The following PTPRK variants were observed in gnomAD, a reference collection of about 807,000 sequenced individuals.
The protein encoded by PTPRK is protein tyrosine phosphatase receptor type K.
PTPRK carries 75 observed loss-of-function variants against 178.0 expected under a neutral mutation model. That is an observed-to-expected ratio of 0.42 (90% CI 0.35 to 0.51). The LOEUF is 0.51. Ranked by LOEUF, PTPRK falls within the 20% of genes least tolerant of loss-of-function variation. The pLI is 0.02. For synonymous variants in PTPRK, 637 were observed against 620.6 expected, an observed-to-expected ratio of 1.03 and a Z score of -0.39; for missense variants, 1,441 against 1,797.8, an observed-to-expected ratio of 0.80 and a Z score of 3.59.
intron 7 of PTPRK, among the ~76,000 whole-genome samples, chr6:128,133,087 G>A (rs1209384492): frequency 1.3e-5 from 2 of 151,990 alleles, no homozygotes; most frequent in Non-Finnish European, 2.9e-5. Context: ...TTCTGCTCAG[G>A]GTATTTATAC....
intron 1 of PTPRK, among the ~76,000 whole-genome samples, chr6:128,478,205 A>G (rs372849087): frequency 2.0e-5 from 3 of 152,262 alleles, no homozygotes; most frequent in African/African-American, 7.2e-5. Flanking sequence ...CTTATGGCTC[A>G]TGGACTCCTT....
intron 7 of PTPRK, among the ~76,000 whole-genome samples, chr6:128,115,368 C>T (rs1204836921): frequency 6.6e-6 from 1 of 151,914 alleles, no homozygotes; most frequent in East Asian, 1.9e-4. Flanking sequence ...ATTGGAAGTG[C>T]TCACCCTTTC....
At chr6:128,157,199 A>G (rs1195905171) in intron 7 of PTPRK, among the ~76,000 whole-genome samples, 3 of 152,018 alleles carry the variant, frequency 2.0e-5, no homozygotes, top group African/African-American at 7.2e-5. Context: ...TAGAGAATTA[A>G]TAAGCTTTCA....
intron 3 of PTPRK, among the ~76,000 whole-genome samples, chr6:128,277,294 T>C (rs1278375402): frequency 6.6e-6 from 1 of 152,178 alleles, no homozygotes. Context: ...AAGTCAGTCA[T>C]AGTACATTGA....
chr6:128,468,349 C>T (rs1850165689), intron 1 of PTPRK, among the ~76,000 whole-genome samples: 2 of 152,106 alleles, frequency 1.3e-5, no homozygotes, highest in Admixed American at 1.3e-4. Context: ...AGTCTGGCAG[C>T]ATCACACAAA....
intron 2 of PTPRK, among the ~76,000 whole-genome samples, chr6:128,354,437 G>C (rs530428075): frequency 2.0e-5 from 3 of 151,400 alleles, no homozygotes; most frequent in South Asian, 4.2e-4. Flanking sequence ...GGGTTTCACC[G>C]TGTTAGCCAG....
At chr6:128,158,012 A>C (rs546050655) in intron 7 of PTPRK, among the ~76,000 whole-genome samples, 8 of 152,014 alleles carry the variant, frequency 5.3e-5, no homozygotes, top group Non-Finnish European at 1.0e-4. Flanking sequence ...GTCCTTGCCC[A>C]TGCCTATGTC....
intron 5 of PTPRK, among the ~76,000 whole-genome samples, chr6:128,237,573 G>A (rs909631146): frequency 1.3e-5 from 2 of 152,132 alleles, no homozygotes; most frequent in Non-Finnish European, 2.9e-5. Context: ...CAGCTGGAAG[G>A]GATTTTAGTG....
chr6:128,356,330 T>C (rs1833958068), intron 2 of PTPRK, among the ~76,000 whole-genome samples: 1 of 152,192 alleles, frequency 6.6e-6, no homozygotes, highest in African/African-American at 2.4e-5. Context: ...GAAGGTATAA[T>C]CAACGGACTT....
At chr6:128,347,328 A>G (rs2128335161) in intron 2 of PTPRK, among the ~76,000 whole-genome samples, 1 of 152,246 alleles carries the variant, frequency 6.6e-6, no homozygotes, top group East Asian at 1.9e-4. Flanking sequence ...GAATGATATT[A>G]TCATAGGACT....
At chr6:128,350,676 T>C (rs1452756616) in intron 2 of PTPRK, among the ~76,000 whole-genome samples, 1 of 152,226 alleles carries the variant, frequency 6.6e-6, no homozygotes, top group Non-Finnish European at 1.5e-5. Flanking sequence ...TACTCTAGAA[T>C]AACTTAAAGT....
chr6:128,078,338 C>T (rs893453535), intron 11 of PTPRK, among the ~76,000 whole-genome samples: 10 of 152,008 alleles, frequency 6.6e-5, no homozygotes, highest in Admixed American at 6.6e-4. Flanking sequence ...AAATAAAACT[C>T]TCCTGACAGA....
At chr6:128,059,961 G>A (rs1780535890) in intron 13 of PTPRK, among the ~76,000 whole-genome samples, 1 of 152,092 alleles carries the variant, frequency 6.6e-6, no homozygotes, top group East Asian at 1.9e-4. Flanking sequence ...CAGTGATCAT[G>A]CACCCTTGAA....
At chr6:128,090,099 GA>G in intron 7 of PTPRK, 107 bp from the exon 8 acceptor site, 1 of 890,026 alleles carries the variant, frequency 1.1e-6, no homozygotes, top group South Asian at 1.9e-5. Flanking sequence ...AGAAAATGTG[GA>G]AGTCATGTTT....
chr6:127,970,677 T>C (rs1773803822), intron 29 of PTPRK, among the ~76,000 whole-genome samples: 1 of 152,072 alleles, frequency 6.6e-6, no homozygotes. Context: ...ATTGTTAAAA[T>C]ATCACCTTAG....
intron 3 of PTPRK, among the ~76,000 whole-genome samples, chr6:128,309,311 T>G (rs1826898007): frequency 6.6e-6 from 1 of 152,022 alleles, no homozygotes; most frequent in Admixed American, 6.6e-5. Context: ...TGGTTCCTCT[T>G]GGAAGAGGAG....
At chr6:128,433,553 G>A (rs2128395333) in intron 1 of PTPRK, among the ~76,000 whole-genome samples, 1 of 151,974 alleles carries the variant, frequency 6.6e-6, no homozygotes, top group African/African-American at 2.4e-5. Flanking sequence ...CTGTCTCCAA[G>A]GCTATACTGC....
At chr6:128,504,348 G>A (rs1856002901) in intron 1 of PTPRK, among the ~76,000 whole-genome samples, 1 of 152,180 alleles carries the variant, frequency 6.6e-6, no homozygotes, top group Non-Finnish European at 1.5e-5. Context: ...ACTGGAAGCA[G>A]CCTGTAGTAT....
intron 1 of PTPRK, among the ~76,000 whole-genome samples, chr6:128,422,618 C>G (rs1843610954): frequency 1.6e-5 from 2 of 125,140 alleles, no homozygotes; most frequent in Admixed American, 2.1e-4. Context: ...TTTGTTACAG[C>G]ATGGGAGAAC....
Sources: allele counts gnomAD v4.1 joint callset (sites outside exome capture counted in the v4.1 genomes callset), GRCh38; gene constraint gnomAD v4.1.1; transcripts MANE v1.5; gene names NCBI Gene and HGNC (gene_info 2026-07-23, HGNC 2026-07-21).